The following PRKN variants were observed in gnomAD, a reference collection of about 807,000 sequenced individuals.
The protein encoded by PRKN is E3 ubiquitin-protein ligase parkin.
In PRKN, 56 loss-of-function variants were observed where a neutral mutation model predicts 59.5. That is an observed-to-expected ratio of 0.94 (90% CI 0.76 to 1.18). PRKN has a LOEUF of 1.18. Among genes scored for constraint, PRKN ranks in the 50% most tolerant of loss-of-function variants. The pLI is 0.00. For synonymous variants in PRKN, 250 were observed against 222.1 expected, an observed-to-expected ratio of 1.13 and a Z score of -1.12; for missense variants, 657 against 596.4, an observed-to-expected ratio of 1.10 and a Z score of -1.06.
chr6:162,274,170 T>A (rs1780507085), intron 2 of PRKN, among the ~76,000 whole-genome samples: 2 of 151,234 alleles, frequency 1.3e-5, no homozygotes, highest in African/African-American at 4.9e-5. Context: ...AATTAATTTA[T>A]TAATTTATTA....
chr6:161,849,017 C>A (rs1215306082), intron 6 of PRKN, among the ~76,000 whole-genome samples: 3 of 152,160 alleles, frequency 2.0e-5, no homozygotes, highest in Non-Finnish European at 2.9e-5. Context: ...GAAAATGACT[C>A]CTCAGTGACT....
At chr6:162,570,511 C>A (rs1773684614) in intron 1 of PRKN, among the ~76,000 whole-genome samples, 1 of 152,226 alleles carries the variant, frequency 6.6e-6, no homozygotes, top group South Asian at 2.1e-4. Context: ...GATATATCTG[C>A]ACTCCTATGT....
At chr6:161,749,007 C>T (rs1569836) in intron 7 of PRKN, among the ~76,000 whole-genome samples, 44,514 of 151,986 alleles carry the variant, frequency 0.29, 7,496 homozygotes, top group East Asian at 0.75. Flanking sequence ...GGAAACATTT[C>T]GAAGGGCTGG....
chr6:161,848,311 T>A (rs765520097), intron 6 of PRKN, among the ~76,000 whole-genome samples: 2 of 152,358 alleles, frequency 1.3e-5, no homozygotes, highest in South Asian at 4.1e-4. Context: ...ATAATTTATA[T>A]GATTTGATGT....
At chr6:161,438,756 G>A (rs1167307009) in intron 9 of PRKN, among the ~76,000 whole-genome samples, 3 of 152,034 alleles carry the variant, frequency 2.0e-5, no homozygotes, top group African/African-American at 4.8e-5. Context: ...TTAGATATTC[G>A]GGTGATCATC....
At position 161,582,673 on chromosome 6, in the gene PRKN, C is replaced by T. The variant is rs189949366; in HGVS notation, c.872-13257G>A. Reference sequence around the variant, plus strand: ...CGATCTGCTGACCTCGTGATCTGCCCGCCTCGGCCTCCCAAAGTTCTGGGA... The same window carrying T: ...CGATCTGCTGACCTCGTGATCTGCCTGCCTCGGCCTCCCAAAGTTCTGGGA... On this transcript the variant is annotated intron_variant, in intron 7 of 11. Transcript: ENST00000366898. This position sits in a 1 kb window ranked among gnomAD's most constrained non-coding sequence, Gnocchi z 4.4. Among the ~76,000 whole-genome samples the T allele has an allele frequency of 7.2e-5, 11 of 152,050 alleles. No individual in the cohort carries two copies. Among genetic ancestry groups the T allele is most frequent in the East Asian group, 3.9e-4 (2 of 5,166 alleles).
chr6:162,563,702 G>C (rs1192447976), intron 1 of PRKN, among the ~76,000 whole-genome samples: 3 of 152,168 alleles, frequency 2.0e-5, no homozygotes, highest in Non-Finnish European at 4.4e-5. Flanking sequence ...TGGATAAATA[G>C]AGCTATGTGA....
At chr6:162,522,057 T>G (rs6935012) in intron 1 of PRKN, among the ~76,000 whole-genome samples, 1 of 152,162 alleles carries the variant, frequency 6.6e-6, no homozygotes, top group African/African-American at 2.4e-5. Flanking sequence ...CTCAACCTGA[T>G]AGTTTTCTTT....
At chr6:162,309,321 T>C (rs1782370499) in intron 2 of PRKN, among the ~76,000 whole-genome samples, 1 of 152,092 alleles carries the variant, frequency 6.6e-6, no homozygotes, top group African/African-American at 2.4e-5. Context: ...CCTGCCACCA[T>C]GGCCAACTAA....
chr6:161,894,122 C>T (rs1028355167), intron 6 of PRKN, among the ~76,000 whole-genome samples: 1 of 152,186 alleles, frequency 6.6e-6, no homozygotes, highest in Non-Finnish European at 1.5e-5. Context: ...CCATTGGAGA[C>T]TTTTCTGACA....
rs111798132 is a variant in PRKN, at chr6:161,770,747, C to A, written c.871+15025G>T. Among the ~76,000 whole-genome samples the A allele has an allele frequency of 2.4e-3, 366 of 152,210 alleles. 2 individuals are homozygous for A. Among genetic ancestry groups the A allele is most frequent in the African/African-American group, 8.5e-3 (353 of 41,534 alleles). On this transcript the variant is annotated intron_variant, in intron 7 of 11. Coordinates refer to ENST00000366898, the MANE Select transcript of PRKN (RefSeq NM_004562.3). ...CCTCCCAAAATGGTGGCATTACAGG[C>A]GGGAGTCACTGTGCCTGGCCGGCAA...
chr6:161,895,267 T>C (rs56071230), intron 6 of PRKN, among the ~76,000 whole-genome samples: 8,359 of 152,274 alleles, frequency 0.055, 338 homozygotes, highest in Non-Finnish European at 0.084. Flanking sequence ...TTCTCTCTTT[T>C]CCCCTCTGAC....
At position 161,414,248 on chromosome 6, in the gene PRKN, C is replaced by A. The variant is rs879307263; in HGVS notation, c.1084-27371G>T. ...AGCATTTTCTCCCCAGATGTCAGAG[C>A]CGTGCACCCTTCTCCGGAAGGCTGG... is the stretch of plus-strand genomic sequence containing the variant. On this transcript the variant is annotated intron_variant, in intron 9 of 11. Coordinates refer to ENST00000366898, the MANE Select transcript of PRKN (RefSeq NM_004562.3). The surrounding 1 kb of genome is among the most constrained non-coding windows in gnomAD (Gnocchi z 5.3). 3.9e-5 allele frequency among the ~76,000 whole-genome samples: 6 copies of A among 152,180 alleles called. No homozygotes were observed. Among genetic ancestry groups the A allele is most frequent in the Non-Finnish European group, 8.8e-5 (6 of 68,040 alleles).
At chr6:161,663,195 A>G (rs565884455) in intron 7 of PRKN, among the ~76,000 whole-genome samples, 1 of 152,276 alleles carries the variant, frequency 6.6e-6, no homozygotes, top group South Asian at 2.1e-4. Flanking sequence ...TTTTCTTTAT[A>G]AATTACCCAA....
chr6:161,910,341 A>C (rs1199625596), intron 6 of PRKN, among the ~76,000 whole-genome samples: 2 of 151,802 alleles, frequency 1.3e-5, no homozygotes, highest in Middle Eastern at 6.8e-3. Flanking sequence ...CACAACCTCC[A>C]CCTCCTGGGT....
intron 4 of PRKN, among the ~76,000 whole-genome samples, chr6:162,099,731 G>C (rs1779887207): frequency 6.6e-6 from 1 of 152,178 alleles, no homozygotes; most frequent in African/African-American, 2.4e-5. Context: ...GCTAAATTGA[G>C]ACAATATGTG....
intron 6 of PRKN, among the ~76,000 whole-genome samples, chr6:161,919,124 A>G (rs1778684141): frequency 6.6e-6 from 1 of 152,200 alleles, no homozygotes; most frequent in South Asian, 2.1e-4. Context: ...GCAAATGTCC[A>G]TCTACTGGTG....
intron 3 of PRKN, among the ~76,000 whole-genome samples, chr6:162,258,382 A>AT (rs1214616056): frequency 6.6e-6 from 1 of 152,000 alleles, no homozygotes. Flanking sequence ...GGAGCCTCCT[A>AT]TTTTTTTGCT....
chr6:161,623,423 A>G (rs911019115), intron 7 of PRKN, among the ~76,000 whole-genome samples: 3 of 152,260 alleles, frequency 2.0e-5, no homozygotes, highest in African/African-American at 7.2e-5. Flanking sequence ...ATATGGGTAT[A>G]TACACTTCCA....
Sources: gnomAD v4.1 joint callset for allele counts (sites outside exome capture counted in the v4.1 genomes callset) on GRCh38, gnomAD v4.1.1 for gene constraint, Gnocchi (gnomAD v3.1) non-coding constraint, MANE v1.5 for transcripts, NCBI Gene and HGNC (gene_info 2026-07-23, HGNC 2026-07-21) for gene names.